DLGAP1: variants seen among roughly 807,000 people sequenced by gnomAD.
DLGAP1 encodes disks large-associated protein 1.
DLGAP1 carries 11 observed loss-of-function variants against 90.8 expected under a neutral mutation model. That is an observed-to-expected ratio of 0.12 (90% confidence interval 0.08 to 0.20). The LOEUF (loss-of-function observed/expected upper bound fraction) is 0.20. Among genes scored for constraint, DLGAP1 ranks in the 10% least tolerant of loss-of-function variants. The pLI is 1.00. For synonymous variants in DLGAP1, 558 were observed against 540.7 expected, an observed-to-expected ratio of 1.03 and a Z score of -0.44; for missense variants, 1,050 against 1,333.8, an observed-to-expected ratio of 0.79 and a Z score of 3.31.
At chr18:4,324,227 A>G (rs1460050893) in intron 1 of DLGAP1, among the ~76,000 whole-genome samples, 1 of 151,928 alleles carries the variant, frequency 6.6e-6, no homozygotes, top group Non-Finnish European at 1.5e-5. Flanking sequence ...ATCAGAGACT[A>G]CTATAAACAG....
rs148531872 is a variant in DLGAP1 at position 3,993,484 on chromosome 18, C to G, written c.-73+11632G>C. Among the ~76,000 whole-genome samples the G allele has an allele frequency of 3.2e-3, 482 of 152,062 alleles. 4 individuals are homozygous for G. The highest frequency in any genetic ancestry group is 0.011 in the African/African-American group (465 of 41,498). ...AAACCATTGAGATTTCCTTGTCTTT[C>G]CTCCTTTCAGTAAAAATCATGAAGG... On this transcript the variant is annotated intron_variant, in intron 3 of 12. Coordinates refer to ENST00000315677, the MANE Select transcript of DLGAP1 (RefSeq NM_004746.4).
intron 7 of DLGAP1, among the ~76,000 whole-genome samples, chr18:3,590,929 TTA>T (rs1216708317): frequency 6.6e-6 from 1 of 152,118 alleles, no homozygotes; most frequent in African/African-American, 2.4e-5. Context: ...TATAGCAATT[TTA>T]TAGAGTGTTT....
chr18:4,396,369 A>G (rs776256873), intron 1 of DLGAP1, among the ~76,000 whole-genome samples: 2 of 152,144 alleles, frequency 1.3e-5, no homozygotes, highest in Non-Finnish European at 2.9e-5. Flanking sequence ...GACAGAAGCA[A>G]CTCTGCAGTA....
chr18:3,772,328 C>T (rs2064639504), intron 5 of DLGAP1, among the ~76,000 whole-genome samples: 2 of 56,910 alleles, frequency 3.5e-5, no homozygotes, highest in Admixed American at 3.0e-4. Context: ...CTTCCTTTCT[C>T]TCCTTCTCTC....
intron 1 of DLGAP1, among the ~76,000 whole-genome samples, chr18:4,171,526 C>T (rs1012879725): frequency 6.7e-6 from 1 of 150,324 alleles, no homozygotes; most frequent in East Asian, 1.9e-4. Flanking sequence ...GATCGCACCA[C>T]TGCACTCCAG....
At chr18:3,893,302 T>C (rs967389235) in intron 3 of DLGAP1, among the ~76,000 whole-genome samples, 3 of 151,826 alleles carry the variant, frequency 2.0e-5, no homozygotes, top group Non-Finnish European at 4.4e-5. Context: ...ATTGGCCGGG[T>C]GTGGTGGCTC....
At position 4,206,839 on chromosome 18, in the gene DLGAP1, G is replaced by A. The variant is rs115914631; in HGVS notation, c.-266-55552C>T. Among the ~76,000 whole-genome samples the A allele has an allele frequency of 5.2e-3, 795 of 152,270 alleles. 10 individuals are homozygous for A. Among genetic ancestry groups the A allele is most frequent in the African/African-American group, 0.018 (728 of 41,556 alleles). ...TCATTCCCTGGTTTGCAAAAATGAA[G>A]TCACAAAAGGCATGCAATACAACAG... On this transcript the variant is annotated intron_variant, in intron 1 of 12. Coordinates refer to ENST00000315677, the MANE Select transcript of DLGAP1 (RefSeq NM_004746.4).
At chr18:4,027,604 G>A (rs2074725353) in intron 2 of DLGAP1, among the ~76,000 whole-genome samples, 1 of 151,088 alleles carries the variant, frequency 6.6e-6, no homozygotes, top group Non-Finnish European at 1.5e-5. Context: ...AGAGTCTGGG[G>A]CATGGTCAGG....
At chr18:4,264,059 G>A (rs890838267) in intron 1 of DLGAP1, among the ~76,000 whole-genome samples, 4 of 152,202 alleles carry the variant, frequency 2.6e-5, no homozygotes, top group East Asian at 1.9e-4. Context: ...GTTAAATTAC[G>A]TTCTGTAGGA....
chr18:4,386,665 T>C (rs2082236001), intron 1 of DLGAP1, among the ~76,000 whole-genome samples: 1 of 152,106 alleles, frequency 6.6e-6, no homozygotes, highest in Admixed American at 6.6e-5. Flanking sequence ...TATAGAGTAA[T>C]GAGAAAGATC....
intron 7 of DLGAP1, among the ~76,000 whole-genome samples, chr18:3,639,359 GAGAAAAGAAAAGAAAAGAAA>G (rs199859623): frequency 5.1e-5 from 7 of 136,552 alleles, no homozygotes; most frequent in Non-Finnish European, 7.6e-5. Flanking sequence ...ATCTCAAAAA[GAGAAAAGAAAAGAAAAGAAA>G]AGAAAAGAAA....
At chr18:3,847,007 T>G (rs895728124) in intron 4 of DLGAP1, among the ~76,000 whole-genome samples, 2 of 152,214 alleles carry the variant, frequency 1.3e-5, no homozygotes, top group Non-Finnish European at 2.9e-5. Flanking sequence ...TAACTTTACA[T>G]CCCTAAGATA....
intron 1 of DLGAP1, among the ~76,000 whole-genome samples, chr18:4,262,606 A>G (rs75562481): frequency 6.6e-6 from 1 of 152,356 alleles, no homozygotes; most frequent in African/African-American, 2.4e-5. Context: ...GTGTCTAGAC[A>G]TGAAAAGCAA....
chr18:4,181,952 C>G (rs1193374812), intron 1 of DLGAP1, among the ~76,000 whole-genome samples: 1 of 152,078 alleles, frequency 6.6e-6, no homozygotes. Context: ...TAAGTGCACT[C>G]AATTAAAGAG....
chr18:4,232,344 T>C (rs1482863056), intron 1 of DLGAP1, among the ~76,000 whole-genome samples: 1 of 152,160 alleles, frequency 6.6e-6, no homozygotes, highest in African/African-American at 2.4e-5. Context: ...TATTCTTCTT[T>C]ACATAGGAGA....
chr18:4,362,647 G>A (rs957633320), intron 1 of DLGAP1, among the ~76,000 whole-genome samples: 1 of 152,164 alleles, frequency 6.6e-6, no homozygotes, highest in Non-Finnish European at 1.5e-5. Flanking sequence ...AAGCCCTGGA[G>A]ATGGACGGTG....
intron 7 of DLGAP1, among the ~76,000 whole-genome samples, chr18:3,651,164 T>A (rs958489873): frequency 6.6e-6 from 1 of 151,184 alleles, no homozygotes; most frequent in Non-Finnish European, 1.5e-5. Flanking sequence ...ATCGAGACCA[T>A]CCTGGCCAAC....
chr18:4,413,000 G>A (rs1334480090), intron 1 of DLGAP1, among the ~76,000 whole-genome samples: 1 of 152,190 alleles, frequency 6.6e-6, no homozygotes, highest in Non-Finnish European at 1.5e-5. Flanking sequence ...TTCACAAGGA[G>A]GCAGGGAAGG....
chr18:4,053,479 A>G (rs909418320), intron 2 of DLGAP1, among the ~76,000 whole-genome samples: 1 of 152,220 alleles, frequency 6.6e-6, no homozygotes, highest in Admixed American at 6.5e-5. Flanking sequence ...GGGAACTGCA[A>G]TTCAAGAGAA....
Sources: gnomAD v4.1 joint callset for allele counts (sites outside exome capture counted in the v4.1 genomes callset) on GRCh38, gnomAD v4.1.1 for gene constraint, MANE v1.5 for transcripts, NCBI Gene and HGNC (gene_info 2026-07-23, HGNC 2026-07-21) for gene names.